The following CA4 variants were observed in gnomAD, a reference collection of about 807,000 sequenced individuals.
The protein encoded by CA4 is carbonic anhydrase 4, also known as CA-IV.
In CA4, 24 loss-of-function variants were observed where a neutral mutation model predicts 34.5. That is an observed-to-expected ratio of 0.70 (90% confidence interval 0.50 to 0.98). The LOEUF (loss-of-function observed/expected upper bound fraction) is 0.98. Among genes scored for constraint, CA4 ranks in the 50% least tolerant of loss-of-function variants. The pLI, the probability that CA4 is intolerant of heterozygous loss-of-function variation, is 0.00. For synonymous variants in CA4, 178 were observed against 170.6 expected, an observed-to-expected ratio of 1.04 and a Z score of -0.34; for missense variants, 394 against 396.7, an observed-to-expected ratio of 0.99 and a Z score of 0.06.
chr17:60,161,799 C>CG (rs758228804), downstream of CA4, among the ~76,000 whole-genome samples: 9 of 152,114 alleles, frequency 5.9e-5, no homozygotes, highest in Non-Finnish European at 1.2e-4. Flanking sequence ...CGCCTGTCAG[C>CG]GGGGGGTGTG....
chr17:60,176,873 A>T, the CA4 span, among the ~76,000 whole-genome samples: 3 of 152,136 alleles, frequency 2.0e-5, no homozygotes, highest in East Asian at 3.9e-4. Context: ...CACAACCTAG[A>T]TTGCTAGCAG....
At chr17:60,175,189 A>ATTTTTT (rs555031745), downstream of CA4, among the ~76,000 whole-genome samples, 36 of 107,646 alleles carry the variant, frequency 3.3e-4, 1 homozygote, top group African/African-American at 9.9e-4. Flanking sequence ...CACCCAGCTG[A>ATTTTTT]TTTTTTTTTT....
At chr17:60,162,696 C>T (rs1490604092), downstream of CA4, among the ~76,000 whole-genome samples, 1 of 152,158 alleles carries the variant, frequency 6.6e-6, no homozygotes, top group African/African-American at 2.4e-5. Context: ...GCACTCAGCA[C>T]AGCATAAAGC....
downstream of CA4, among the ~76,000 whole-genome samples, chr17:60,161,793 T>G (rs2083792992): frequency 6.6e-6 from 1 of 152,124 alleles, no homozygotes; most frequent in Non-Finnish European, 1.5e-5. Context: ...GCAGGCCGCC[T>G]GTCAGCGGGG....
chr17:60,160,933 G>C (rs542272800), downstream of CA4, among the ~76,000 whole-genome samples: 14 of 151,198 alleles, frequency 9.3e-5, no homozygotes, highest in African/African-American at 1.2e-4. Flanking sequence ...GAGGAAGCAG[G>C]GGGAGGGGAG....
intron 2 of CA4, among the ~76,000 whole-genome samples, chr17:60,155,793 T>C (rs965486463): frequency 1.3e-5 from 2 of 152,164 alleles, no homozygotes; most frequent in African/African-American, 2.4e-5. Flanking sequence ...ATGTTCCCTG[T>C]GGAATAAATC....
chr17:60,159,203 A>G, intron 7 of CA4, 27 bp from the exon 8 acceptor site: 2 of 1,576,000 alleles, frequency 1.3e-6, no homozygotes, highest in African/African-American at 1.4e-5. Context: ...CCCTGCCCCG[A>G]CCTGCTGAGC....
intron 2 of CA4, 42 bp from the exon 3 acceptor site, chr17:60,156,518 G>A (rs1052430545): frequency 6.2e-6 from 10 of 1,610,344 alleles, no homozygotes; most frequent in Non-Finnish European, 8.5e-6. Context: ...ACACCTTGGT[G>A]CCAGGCACCC....
the CA4 span, among the ~76,000 whole-genome samples, chr17:60,178,107 A>G: frequency 6.6e-6 from 1 of 152,258 alleles, no homozygotes; most frequent in Non-Finnish European, 1.5e-5. Context: ...AAATAAAAAA[A>G]TTAGTGGACA....
At chr17:60,161,579 G>A (rs1281447788), downstream of CA4, among the ~76,000 whole-genome samples, 1 of 152,026 alleles carries the variant, frequency 6.6e-6, no homozygotes, top group African/African-American at 2.4e-5. Flanking sequence ...GTGGGAGAAG[G>A]TGGTCTCTAA....
chr17:60,167,107 G>C (rs957848818), intron 5 of CA4, among the ~76,000 whole-genome samples: 4 of 152,196 alleles, frequency 2.6e-5, no homozygotes, highest in Admixed American at 2.6e-4. Flanking sequence ...CCTTGCCAGC[G>C]AATGAATGAC....
chr17:60,167,722 AT>A (rs1168504686), intron 5 of CA4, among the ~76,000 whole-genome samples: 1 of 152,184 alleles, frequency 6.6e-6, no homozygotes, highest in African/African-American at 2.4e-5. Context: ...CGGTTTCCAC[AT>A]GTGGGATCTG....
rs769378041 is a variant in CA4 at position 60,158,116 on chromosome 17, T to A, written c.569T>A (p.Ile190Asn). The change falls in exon 6 of 8, where the codon ATC (isoleucine) becomes AAC (asparagine). Residue 190 changes from isoleucine to asparagine, a missense_variant. By Grantham distance (149) the Ile-to-Asn change is moderately radical. Transcript: ENST00000300900. ...CCACTGGTGGAGGCACTGTCTAATA[T>A]CCCCAAACCTGGTGAGTCAGGATGG... is the stretch of plus-strand genomic sequence containing the variant. ...FQPLVEALSN[I>N]PKPEMSTTMA... The A allele has an allele frequency of 6.2e-7, 1 of 1,605,336 alleles. No individual in the cohort carries two copies. Among genetic ancestry groups the A allele is most frequent in the East Asian group, 2.3e-5 (1 of 44,268 alleles).
the CA4 span, among the ~76,000 whole-genome samples, chr17:60,176,265 T>C: frequency 6.6e-6 from 1 of 152,196 alleles, no homozygotes; most frequent in Non-Finnish European, 1.5e-5. Flanking sequence ...GGATTGAGTA[T>C]CGTTGGATTG....
At chr17:60,171,334 C>T (rs1302781752), downstream of CA4, among the ~76,000 whole-genome samples, 2 of 152,248 alleles carry the variant, frequency 1.3e-5, no homozygotes, top group African/African-American at 2.4e-5. Context: ...CTTTCTCCAG[C>T]TGGCACAACA....
intron 5 of CA4, among the ~76,000 whole-genome samples, chr17:60,168,358 T>G (rs1192600892): frequency 2.9e-5 from 1 of 34,706 alleles, no homozygotes. Flanking sequence ...TTTCTTTTTT[T>G]GGGGGGGGCA....
intron 1 of CA4, chr17:60,151,611 G>A (rs1307076709): frequency 6.6e-6 from 1 of 152,166 alleles, no homozygotes; most frequent in African/African-American, 2.4e-5. Flanking sequence ...TAAGATAATG[G>A]GTTTAAGTGA....
Position 60,158,407 on chromosome 17 carries a change from G to C in CA4, c.705G>C (p.Trp235Cys), listed in dbSNP as rs757960928. The part of the protein sequence containing the change: ...TTPTCDEKVV[W>C]TVFREPIQLH... Reference sequence around the variant, plus strand: ...CGACCTGCGATGAGAAGGTCGTCTGGACTGTGTTCCGGGAGCCCATTCAGC... The same window carrying C: ...CGACCTGCGATGAGAAGGTCGTCTGCACTGTGTTCCGGGAGCCCATTCAGC... Residue 235 changes from tryptophan to cysteine, a missense_variant, in exon 7 of 8, where the codon TGG becomes TGC. Coordinates refer to ENST00000300900, the MANE Select transcript of CA4 (RefSeq NM_000717.5). 5.0e-6 allele frequency: 8 copies of C among 1,613,996 alleles called. No homozygotes were observed. Among genetic ancestry groups the C allele is most frequent in the Non-Finnish European group, 6.8e-6 (8 of 1,180,038 alleles).
intron 5 of CA4, among the ~76,000 whole-genome samples, chr17:60,165,418 T>C (rs974091852): frequency 1.3e-5 from 2 of 152,150 alleles, no homozygotes; most frequent in South Asian, 4.1e-4. Context: ...GCCCCAGGAC[T>C]GCCCTGCAGT....
Sources: allele counts gnomAD v4.1 joint callset (sites outside exome capture counted in the v4.1 genomes callset), GRCh38; gene constraint gnomAD v4.1.1; transcripts MANE v1.5; gene names NCBI Gene and HGNC (gene_info 2026-07-23, HGNC 2026-07-21).